Variants in GLG1 observed in about 807,000 individuals in gnomAD.
GLG1 encodes golgi glycoprotein 1.
In GLG1, 38 loss-of-function variants were observed where a neutral mutation model predicts 160.5. That is an observed-to-expected ratio of 0.24 (90% CI 0.18 to 0.31). The LOEUF (loss-of-function observed/expected upper bound fraction) is 0.31. Ranked by LOEUF, GLG1 falls within the 10% of genes least tolerant of loss-of-function variation. The probability of loss-of-function intolerance (pLI) is 1.00; values close to 1 mark genes in which losing one functional copy is unlikely to be tolerated. For synonymous variants in GLG1, 644 were observed against 543.4 expected, an observed-to-expected ratio of 1.19 and a Z score of -2.57; for missense variants, 1,373 against 1,505.2, an observed-to-expected ratio of 0.91 and a Z score of 1.45.
At chr16:74,592,605 A>G (rs531843145) in intron 1 of GLG1, among the ~76,000 whole-genome samples, 39 of 152,302 alleles carry the variant, frequency 2.6e-4, no homozygotes, top group Admixed American at 8.5e-4. Context: ...AGGGAAGACC[A>G]TTTATAAATA....
At chr16:74,469,920 C>A (rs1343808192) in intron 16 of GLG1, 65 bp downstream of exon 16, 1 of 1,017,292 alleles carries the variant, frequency 9.8e-7, no homozygotes, top group Non-Finnish European at 1.6e-6. Flanking sequence ...TAACATCTCG[C>A]ATACTCATTC....
chr16:74,471,311 A>T, intron 14 of GLG1, 25 bp from the exon 15 acceptor site: 1 of 1,229,444 alleles, frequency 8.1e-7, no homozygotes, highest in South Asian at 1.2e-5. Context: ...ATGCATTTAC[A>T]CTTCATTGGT....
chr16:74,503,997 A>T (rs1454665667), intron 3 of GLG1, among the ~76,000 whole-genome samples: 1 of 152,212 alleles, frequency 6.6e-6, no homozygotes, highest in Non-Finnish European at 1.5e-5. Context: ...GTTTTGCAAA[A>T]GAATACCTAC....
At chr16:74,526,905 G>C (rs543401793) in intron 2 of GLG1, among the ~76,000 whole-genome samples, 147 of 152,296 alleles carry the variant, frequency 9.7e-4, no homozygotes, top group Non-Finnish European at 1.4e-3. Context: ...GACTAGTGTT[G>C]AGTAAGTCGC....
At chr16:74,501,329 GT>G (rs1270519326) in intron 4 of GLG1, among the ~76,000 whole-genome samples, 1 of 152,180 alleles carries the variant, frequency 6.6e-6, no homozygotes, top group Non-Finnish European at 1.5e-5. Flanking sequence ...TTTGATGCTG[GT>G]GTAGTGACCT....
At chr16:74,483,522 T>C (rs181915064) in intron 9 of GLG1, among the ~76,000 whole-genome samples, 38 of 152,342 alleles carry the variant, frequency 2.5e-4, no homozygotes, top group African/African-American at 9.1e-4. Context: ...TACTCCATCA[T>C]TTCATTTGTA....
Position 74,496,613 on chromosome 16 carries a change from C to A in GLG1, c.806G>T (p.Cys269Phe), listed in dbSNP as rs751812778. 1.2e-6 allele frequency: 2 copies of A among 1,612,466 alleles called. No individual in the cohort carries two copies. Among genetic ancestry groups the A allele is most frequent in the Non-Finnish European group, 1.7e-6 (2 of 1,178,684 alleles). ...DAHSQGEVVSCLEKGLVKEAE... is the reference protein window; with the variant it reads ...DAHSQGEVVSFLEKGLVKEAE... ...TTCTTTCACCAGGCCTTTCTCCAAG[C>A]ATGATACCACCTCACCTTGTGAATG... The change falls in exon 5 of 26, where the codon TGC (cysteine) becomes TTC (phenylalanine). Residue 269 changes from cysteine to phenylalanine, a missense_variant. Physicochemically the swap from Cys to Phe is radical, Grantham distance 205. Around this residue, in one of 4 missense-constraint regions of GLG1, gnomAD observed 174 missense variants for 229.9 expected, o/e 0.76. Coordinates refer to ENST00000422840, the MANE Select transcript of GLG1 (RefSeq NM_001145667.2).
At chr16:74,532,494 T>G (rs886578422) in intron 1 of GLG1, among the ~76,000 whole-genome samples, 1 of 152,052 alleles carries the variant, frequency 6.6e-6, no homozygotes, top group African/African-American at 2.4e-5. Context: ...TATTATAGAG[T>G]GCAGAGAAAG....
intron 18 of GLG1, among the ~76,000 whole-genome samples, chr16:74,466,916 G>A (rs1392486327): frequency 2.6e-5 from 4 of 152,152 alleles, no homozygotes; most frequent in Admixed American, 6.5e-5. Flanking sequence ...TGCCTAACAC[G>A]AGTTCCAGAA....
At chr16:74,510,188 T>C (rs373021955) in intron 2 of GLG1, among the ~76,000 whole-genome samples, 1 of 151,906 alleles carries the variant, frequency 6.6e-6, no homozygotes, top group Non-Finnish European at 1.5e-5. Context: ...TGTGCCACCA[T>C]GCCTGGCTAA....
chr16:74,534,153 C>T (rs143577700), intron 1 of GLG1, among the ~76,000 whole-genome samples: 2 of 152,050 alleles, frequency 1.3e-5, no homozygotes, highest in Admixed American at 1.3e-4. Context: ...TACTTTTGAA[C>T]TTTCTCCCTA....
At chr16:74,561,955 C>T (rs1280802191) in intron 1 of GLG1, among the ~76,000 whole-genome samples, 1 of 152,190 alleles carries the variant, frequency 6.6e-6, no homozygotes, top group South Asian at 2.1e-4. Context: ...ATCAAACCTA[C>T]AACCTGGGAA....
intron 1 of GLG1, among the ~76,000 whole-genome samples, chr16:74,546,366 G>C (rs1344772328): frequency 2.6e-5 from 4 of 152,108 alleles, no homozygotes; most frequent in Non-Finnish European, 4.4e-5. Context: ...GATCGCTTGA[G>C]CCCAGGAGAT....
chr16:74,467,889 G>C, intron 17 of GLG1, 41 bp from the exon 18 acceptor site: 1 of 1,299,748 alleles, frequency 7.7e-7, no homozygotes, highest in Non-Finnish European at 1.1e-6. Flanking sequence ...GCTTGGTTTA[G>C]GCTGGAGATG....
intron 16 of GLG1, chr16:74,469,708 G>A: frequency 2.2e-6 from 1 of 445,760 alleles, no homozygotes; most frequent in Non-Finnish European, 4.1e-6. Context: ...GCTTCTCTAA[G>A]TACACAATCC....
At chr16:74,502,240 T>G (rs1415370200) in intron 4 of GLG1, among the ~76,000 whole-genome samples, 1 of 152,218 alleles carries the variant, frequency 6.6e-6, no homozygotes, top group African/African-American at 2.4e-5. Context: ...CCATTACTTT[T>G]CAGGAGTTTT....
chr16:74,449,451 T>C lies in GLG1; in HGVS notation c.*3716A>G, dbSNP rs1597206424. The C allele has an allele frequency of 6.6e-6, 1 of 152,134 alleles. No individual in the cohort carries two copies. Among genetic ancestry groups the C allele is most frequent in the East Asian group, 1.9e-4 (1 of 5,190 alleles). The allele number at this position is 152,134 out of a possible 1,614,324, so 9.4% of individuals were successfully genotyped here. A position where few individuals can be genotyped will look rare whatever the true frequency, so the allele number is the denominator to read the frequency against. On this transcript the variant is annotated 3_prime_UTR_variant, in exon 26 of 26. Transcript: ENST00000422840. ...ACATAATTCCCTTTCCAGTGTGCCT[T>C]GATAAAACGTAAAACATGAATGAAG...
intron 2 of GLG1, among the ~76,000 whole-genome samples, chr16:74,528,282 T>A (rs1281965377): frequency 6.6e-6 from 1 of 151,988 alleles, no homozygotes; most frequent in Non-Finnish European, 1.5e-5. Flanking sequence ...ATTACAGGGG[T>A]GAGCCACGGT....
At chr16:74,542,163 T>A (rs1179348772) in intron 1 of GLG1, among the ~76,000 whole-genome samples, 1 of 149,178 alleles carries the variant, frequency 6.7e-6, no homozygotes, top group African/African-American at 2.5e-5. Context: ...ATGATCTGGT[T>A]TGAATAGTAT....
Sources: allele counts gnomAD v4.1 joint callset (sites outside exome capture counted in the v4.1 genomes callset), GRCh38; gene constraint gnomAD v4.1.1; regional missense constraint gnomAD v4.1.1; transcripts MANE v1.5; gene names NCBI Gene and HGNC (gene_info 2026-07-23, HGNC 2026-07-21).